TMEM154: variants seen among roughly 807,000 people sequenced by gnomAD.
TMEM154 encodes the protein transmembrane protein 154.
TMEM154 carries 27 observed loss-of-function variants against 24.5 expected under a neutral mutation model. The ratio of observed to expected loss-of-function variants is 1.10; its 90% CI spans 0.81 to 1.52. The LOEUF is 1.52. TMEM154 is among the 40% of genes most tolerant of loss of function. The pLI, the probability that TMEM154 is intolerant of heterozygous loss-of-function variation, is 0.00. For synonymous variants in TMEM154, 67 were observed against 76.8 expected, an observed-to-expected ratio of 0.87 and a Z score of 0.67; for missense variants, 228 against 213.4, an observed-to-expected ratio of 1.07 and a Z score of -0.43.
Position 152,652,655 on chromosome 4 carries a change from C to T in TMEM154, c.325+12G>A, listed in dbSNP as rs1579523111. 2 of 1,613,378 alleles carry T rather than the reference C, an allele frequency of 1.2e-6. No individual in the cohort carries two copies. Among genetic ancestry groups the T allele is most frequent in the African/African-American group, 1.3e-5 (1 of 74,942 alleles). ...GCAATTTTCTGGAAATGGAAATACA[C>T]CAAATATTTACCTTGTTTAGTTCTT... On this transcript the variant is annotated intron_variant, in intron 2 of 6. Coordinates refer to ENST00000304385, the MANE Select transcript of TMEM154 (RefSeq NM_152680.3).
At chr4:152,640,713 T>C (rs1180388429) in intron 6 of TMEM154, among the ~76,000 whole-genome samples, 2 of 152,210 alleles carry the variant, frequency 1.3e-5, no homozygotes, top group Admixed American at 1.3e-4. Context: ...ACTCATTTAT[T>C]TCTAAAGATA....
chr4:152,630,139 C>A (rs7657979), intron 6 of TMEM154, among the ~76,000 whole-genome samples: 6,611 of 151,680 alleles, frequency 0.044, 446 homozygotes, highest in African/African-American at 0.14. Flanking sequence ...TACAGTGAGA[C>A]CCCATCTCCA....
intron 6 of TMEM154, among the ~76,000 whole-genome samples, chr4:152,637,617 T>C (rs997420381): frequency 1.3e-5 from 2 of 152,148 alleles, no homozygotes; most frequent in Admixed American, 1.3e-4. Context: ...CCTGTGAAAC[T>C]AGAAGGACAG....
intron 1 of TMEM154, among the ~76,000 whole-genome samples, chr4:152,660,785 C>T (rs1728586070): frequency 6.6e-6 from 1 of 152,216 alleles, no homozygotes; most frequent in Non-Finnish European, 1.5e-5. Flanking sequence ...TGGCACAAGG[C>T]AGGACAGAGG....
intron 1 of TMEM154, among the ~76,000 whole-genome samples, chr4:152,660,433 C>G (rs1374220398): frequency 6.6e-6 from 1 of 151,128 alleles, no homozygotes; most frequent in Non-Finnish European, 1.5e-5. Context: ...GCCGCTGTTA[C>G]TATTTCAGCA....
At chr4:152,631,765 A>C (rs984288218) in intron 6 of TMEM154, among the ~76,000 whole-genome samples, 1 of 118,506 alleles carries the variant, frequency 8.4e-6, no homozygotes, top group Non-Finnish European at 1.7e-5. Context: ...AAGAACATTG[A>C]GTTTTTAATG....
intron 1 of TMEM154, among the ~76,000 whole-genome samples, chr4:152,675,081 C>CACA (rs1728923901): frequency 7.2e-6 from 1 of 138,196 alleles, no homozygotes; most frequent in Non-Finnish European, 1.5e-5. Flanking sequence ...GGCTTGAACC[C>CACA]AGGAAGTGGA....
chr4:152,675,063 G>A lies in TMEM154; in HGVS notation c.64+4807C>T, dbSNP rs1175951056. Among the ~76,000 whole-genome samples the A allele has an allele frequency of 2.0e-5, 3 of 151,324 alleles. No homozygotes were observed. In the East Asian group the frequency reaches 5.9e-4, roughly 30 times the overall value. On this transcript the variant is annotated intron_variant, in intron 1 of 6. Transcript: ENST00000304385. ...CCCAGCTACTGGGGAGGGTGAGGCAGGAGAATCGGCTTGAACCCAGGAAGT... is the reference window on the plus strand; with the variant it reads ...CCCAGCTACTGGGGAGGGTGAGGCAAGAGAATCGGCTTGAACCCAGGAAGT...
At chr4:152,645,862 G>C (rs1167043167) in intron 3 of TMEM154, among the ~76,000 whole-genome samples, 1 of 151,440 alleles carries the variant, frequency 6.6e-6, no homozygotes, top group Non-Finnish European at 1.5e-5. Flanking sequence ...ATGTCCTCCT[G>C]CCCTCCAGTA....
intron 6 of TMEM154, among the ~76,000 whole-genome samples, chr4:152,629,517 G>T (rs542408858): frequency 6.6e-6 from 1 of 152,232 alleles, no homozygotes; most frequent in South Asian, 2.1e-4. Context: ...TTCCTGGTGG[G>T]CCCACAGCTC....
At chr4:152,634,697 A>G (rs969617403) in intron 6 of TMEM154, among the ~76,000 whole-genome samples, 2 of 152,186 alleles carry the variant, frequency 1.3e-5, no homozygotes, top group African/African-American at 4.8e-5. Context: ...GTGTTTTAAT[A>G]ATATTATTTG....
chr4:152,679,348 G>T (rs1348756400), intron 1 of TMEM154, among the ~76,000 whole-genome samples: 1 of 150,636 alleles, frequency 6.6e-6, no homozygotes, highest in African/African-American at 2.4e-5. Flanking sequence ...TAGCTCTTTG[G>T]TAGCTCTTCG....
intron 1 of TMEM154, among the ~76,000 whole-genome samples, chr4:152,656,107 C>T (rs1728486211): frequency 6.6e-6 from 1 of 152,130 alleles, no homozygotes; most frequent in Admixed American, 6.5e-5. Flanking sequence ...CCTCATGTAC[C>T]AGCTACAGGC....
At chr4:152,664,701 G>A (rs919906893) in intron 1 of TMEM154, among the ~76,000 whole-genome samples, 9 of 152,220 alleles carry the variant, frequency 5.9e-5, no homozygotes, top group African/African-American at 1.9e-4. Context: ...AGGATGTCAT[G>A]AAGTATGTTG....
At chr4:152,644,514 T>C (rs549331919) in intron 3 of TMEM154, 72 bp from the exon 4 acceptor site, 83 of 1,453,816 alleles carry the variant, frequency 5.7e-5, no homozygotes, top group Non-Finnish European at 1.9e-5. Context: ...CAACAACAGC[T>C]GAAGTCTCCT....
chr4:152,620,072 T>C lies in TMEM154; in HGVS notation c.*8474A>G, dbSNP rs1456060501. The C allele has an allele frequency of 6.6e-5, 10 of 152,194 alleles. 1 individual carries two copies. Among genetic ancestry groups the C allele is most frequent in the Non-Finnish European group, 1.2e-4 (8 of 68,076 alleles). The allele number at this position is 152,194 out of a possible 1,614,324, so 9.4% of individuals were successfully genotyped here. ...TTTTGCTGTTCTCCACACTCCTATA[T>C]ACATTCTAGGCTGGAGTATCCTGCA... On this transcript the variant is annotated 3_prime_UTR_variant, in exon 7 of 7. Coordinates refer to ENST00000304385, the MANE Select transcript of TMEM154 (RefSeq NM_152680.3).
Position 152,625,139 on chromosome 4 carries a change from A to G in TMEM154, c.*3407T>C, listed in dbSNP as rs1042429150. The G allele has an allele frequency of 6.6e-6, 1 of 152,236 alleles. No individual in the cohort carries two copies. Among genetic ancestry groups the G allele is most frequent in the Non-Finnish European group, 1.5e-5 (1 of 68,040 alleles). 9.4% of individuals were successfully genotyped at this position (152,236 alleles called of 1,614,324 possible). A position where few individuals can be genotyped will look rare whatever the true frequency, so the allele number is the denominator to read the frequency against. ...AATTAATAGTTTAAACCACCAAAAT[A>G]AAAGAATAGACAAGTATTTTCTTAA... On this transcript the variant is annotated 3_prime_UTR_variant, in exon 7 of 7. Transcript: ENST00000304385.
chr4:152,636,579 G>A (rs569507803), intron 6 of TMEM154, among the ~76,000 whole-genome samples: 3 of 152,368 alleles, frequency 2.0e-5, no homozygotes, highest in African/African-American at 7.2e-5. Flanking sequence ...AATGAGGACA[G>A]AGGAAAGTAA....
chr4:152,673,019 G>C (rs1163804650), intron 1 of TMEM154, among the ~76,000 whole-genome samples: 2 of 152,108 alleles, frequency 1.3e-5, no homozygotes, highest in Admixed American at 1.3e-4. Flanking sequence ...GCTGAGCCCT[G>C]GACTACCATC....
Sources: gnomAD v4.1 joint callset for allele counts (sites outside exome capture counted in the v4.1 genomes callset) on GRCh38, gnomAD v4.1.1 for gene constraint, MANE v1.5 for transcripts, NCBI Gene and HGNC (gene_info 2026-07-23, HGNC 2026-07-21) for gene names.